The following TTC7A variants were observed in gnomAD, a reference collection of about 807,000 sequenced individuals.
TTC7A encodes the protein tetratricopeptide repeat domain 7A, also known as tetratricopeptide repeat protein 7A.
A neutral mutation model predicts 103.7 loss-of-function variants in TTC7A; 110 were observed. The ratio of observed to expected loss-of-function variants is 1.06; its 90% confidence interval spans 0.91 to 1.24. TTC7A has a LOEUF of 1.24. TTC7A is among the 50% of genes most tolerant of loss of function. TTC7A has a pLI of 0.00. For missense variants in TTC7A, 1,340 were observed against 1,116.3 expected (o/e 1.20, Z -2.86); for synonymous variants, 521 against 467.9 (o/e 1.11, Z -1.47).
intron 19 of TTC7A, among the ~76,000 whole-genome samples, chr2:47,063,346 G>A (rs929632007): frequency 3.9e-5 from 6 of 152,210 alleles, no homozygotes; most frequent in African/African-American, 1.4e-4. Flanking sequence ...AGCACAGCAT[G>A]GAGTATCTCA....
chr2:47,060,684 C>T (rs1224851327), intron 18 of TTC7A, 85 bp from the exon 19 acceptor site: 2 of 1,328,892 alleles, frequency 1.5e-6, no homozygotes, highest in East Asian at 4.7e-5. Context: ...AGACTAGTTC[C>T]CTGGCTCTGA....
intron 3 of TTC7A, among the ~76,000 whole-genome samples, chr2:46,961,100 C>G (rs1672329841): frequency 6.6e-6 from 1 of 152,226 alleles, no homozygotes; most frequent in Non-Finnish European, 1.5e-5. Context: ...GCCATGGCCC[C>G]TTTGTAACTT....
intron 8 of TTC7A, among the ~76,000 whole-genome samples, chr2:47,002,993 C>T (rs1676993454): frequency 6.6e-6 from 1 of 152,182 alleles, no homozygotes; most frequent in African/African-American, 2.4e-5. Flanking sequence ...GCTGCTGCTG[C>T]TGCCGCTGCT....
chr2:46,997,042 G>A (rs572496573), intron 8 of TTC7A, among the ~76,000 whole-genome samples: 8 of 152,182 alleles, frequency 5.3e-5, no homozygotes, highest in South Asian at 4.1e-4. Context: ...GCAGTGGTGC[G>A]ATCCTGGCTC....
chr2:47,034,068 TG>T (rs1680850615), intron 15 of TTC7A: 1 of 152,232 alleles, frequency 6.6e-6, no homozygotes, highest in South Asian at 2.1e-4. Context: ...TTCTGTGCTG[TG>T]GGATGACCTT....
intron 2 of TTC7A, among the ~76,000 whole-genome samples, chr2:46,918,377 C>A (rs1448494106): frequency 6.6e-6 from 1 of 152,190 alleles, no homozygotes; most frequent in Non-Finnish European, 1.5e-5. Context: ...ACCATCTAGT[C>A]CAGTAGTAGA....
In TTC7A at chr2:46,931,698, A is replaced by G. The variant is rs553514342; in HGVS notation, c.82+14421A>G. 1.8e-3 allele frequency among the ~76,000 whole-genome samples: 265 copies of G among 149,976 alleles called. 1 individual carries two copies. The highest frequency in any genetic ancestry group is 0.01 in the Middle Eastern group (3 of 292). ...AAAAAACAAAAACAGACAATAATAA[A>G]TAAATAAATAAATAAATAAATAAAT... On this transcript the variant is annotated intron_variant, in intron 2 of 20. Transcript: ENST00000409245.
intron 3 of TTC7A, 39 bp downstream of exon 3, chr2:46,957,046 T>G (rs773065421): frequency 6.2e-7 from 1 of 1,612,474 alleles, no homozygotes; most frequent in Non-Finnish European, 8.5e-7. Context: ...CTCCACTGTG[T>G]GCAGCTCGTT....
In TTC7A at chr2:47,042,702, G is replaced by GTATATATA. The variant is rs58300158; in HGVS notation, c.1803-3611_1803-3604dup. 2.9e-4 allele frequency among the ~76,000 whole-genome samples: 41 copies of GTATATATA among 142,704 alleles called. No individual in the cohort carries two copies. In the South Asian group the frequency reaches 5.5e-3, roughly 19 times the overall value. 93.6% of individuals were successfully genotyped at this position (142,704 alleles called of 152,430 possible). A position where few individuals can be genotyped will look rare whatever the true frequency, so the allele number is the denominator to read the frequency against. Reference sequence around the variant, plus strand: ...TGTGTGTGTGTGTGTGTGTGTGTGTGTATATATATGTATAAAGTAATTAAG... The same window carrying GTATATATA: ...TGTGTGTGTGTGTGTGTGTGTGTGTGTATATATATATATATATGTATAAAGTAATTAAG... On this transcript the variant is annotated intron_variant, in intron 15 of 19. Transcript: ENST00000319190.
At chr2:47,008,637 C>A (rs147451730) in intron 10 of TTC7A, among the ~76,000 whole-genome samples, 1 of 152,296 alleles carries the variant, frequency 6.6e-6, no homozygotes, top group Admixed American at 6.5e-5. Flanking sequence ...TTCTCCACCC[C>A]CCTTGGGAAC....
At chr2:46,954,814 G>A (rs1671708829) in intron 2 of TTC7A, among the ~76,000 whole-genome samples, 1 of 152,084 alleles carries the variant, frequency 6.6e-6, no homozygotes, top group Admixed American at 6.5e-5. Context: ...TAGGTGATCT[G>A]CCTGCCTCGA....
chr2:46,924,347 C>A (rs1314872267), intron 2 of TTC7A, among the ~76,000 whole-genome samples: 1 of 151,824 alleles, frequency 6.6e-6, no homozygotes, highest in African/African-American at 2.4e-5. Context: ...AAGTTAGCTC[C>A]TTCTTAATTT....
intron 5 of TTC7A, among the ~76,000 whole-genome samples, chr2:46,991,144 G>T (rs984772091): frequency 2.0e-5 from 3 of 151,926 alleles, no homozygotes; most frequent in Non-Finnish European, 2.9e-5. Context: ...TTGAACTACT[G>T]ACCTCAAGTG....
intron 2 of TTC7A, 94 bp downstream of exon 2, chr2:46,950,620 C>G: frequency 7.3e-7 from 1 of 1,361,440 alleles, no homozygotes; most frequent in Non-Finnish European, 9.9e-7. Flanking sequence ...GTCACCTGAG[C>G]AACAAGTCTC....
At chr2:46,918,186 G>T (rs1469835615) in intron 2 of TTC7A, among the ~76,000 whole-genome samples, 1 of 151,926 alleles carries the variant, frequency 6.6e-6, no homozygotes, top group African/African-American at 2.4e-5. Context: ...CCCCAAACCT[G>T]CACCTCTCTC....
intron 3 of TTC7A, among the ~76,000 whole-genome samples, chr2:46,970,719 G>T (rs1673278226): frequency 6.6e-6 from 1 of 152,214 alleles, no homozygotes; most frequent in African/African-American, 2.4e-5. Flanking sequence ...AGCAGGGGCT[G>T]GCCTAGCTCT....
At chr2:46,991,746 G>A (rs1675655256) in intron 5 of TTC7A, among the ~76,000 whole-genome samples, 1 of 152,164 alleles carries the variant, frequency 6.6e-6, no homozygotes, top group African/African-American at 2.4e-5. Flanking sequence ...TGAGCTAAGT[G>A]AAGTCTTCAT....
intron 3 of TTC7A, among the ~76,000 whole-genome samples, chr2:46,959,904 C>T (rs189665538): frequency 6.6e-6 from 1 of 152,210 alleles, no homozygotes; most frequent in Non-Finnish European, 1.5e-5. Context: ...TCCACCTCCT[C>T]TGAGGGGAAA....
At chr2:46,934,787 CTTTTTTTTTTTTTT>C (rs1161003607) in intron 2 of TTC7A, among the ~76,000 whole-genome samples, 1 of 66,888 alleles carries the variant, frequency 1.5e-5, no homozygotes, top group African/African-American at 6.5e-5. Context: ...GACTACTGCT[CTTTTTTTTTTTTTT>C]TTTTTTTTTT....
Sources: gnomAD v4.1 joint callset for allele counts (sites outside exome capture counted in the v4.1 genomes callset) on GRCh38, gnomAD v4.1.1 for gene constraint, MANE v1.5 for transcripts, NCBI Gene and HGNC (gene_info 2026-07-23, HGNC 2026-07-21) for gene names.